CELF2: variants seen among roughly 807,000 people sequenced by gnomAD.
The protein encoded by CELF2 is CUG triplet repeat RNA-binding protein 2.
Under a neutral mutation model 62.6 loss-of-function variants are expected in CELF2, and 8 were observed. The observed-to-expected ratio is 0.13, with a 90% CI of 0.07 to 0.23. The LOEUF (loss-of-function observed/expected upper bound fraction) is 0.23. Ranked by LOEUF, CELF2 falls within the 10% of genes least tolerant of loss-of-function variation. The probability of loss-of-function intolerance (pLI) is 1.00; values close to 1 mark genes in which losing one functional copy is unlikely to be tolerated. For synonymous variants in CELF2, 258 were observed against 250.0 expected (o/e 1.03, Z -0.30); for missense variants, 333 against 671.0 (o/e 0.50, Z 5.56).
chr10:11,089,483 C>T (rs1449016855), intron 1 of CELF2, among the ~76,000 whole-genome samples: 4 of 152,024 alleles, frequency 2.6e-5, no homozygotes, highest in Non-Finnish European at 5.9e-5. Flanking sequence ...TTTAGAAGAG[C>T]AGGATGAGGA....
chr10:10,665,216 A>C, the CELF2 span, among the ~76,000 whole-genome samples: 1 of 152,308 alleles, frequency 6.6e-6, no homozygotes, highest in Middle Eastern at 3.4e-3. Flanking sequence ...CTAGGGTCAA[A>C]GAGTATGCCC....
At chr10:11,092,958 G>C (rs2048732264) in intron 1 of CELF2, among the ~76,000 whole-genome samples, 1 of 152,208 alleles carries the variant, frequency 6.6e-6, no homozygotes, top group South Asian at 2.1e-4. Flanking sequence ...GCACTTGTCT[G>C]TTGGGAGATG....
At chr10:10,720,183 A>C in the CELF2 span, among the ~76,000 whole-genome samples, 1 of 152,204 alleles carries the variant, frequency 6.6e-6, no homozygotes, top group Non-Finnish European at 1.5e-5. Context: ...CAGGCAACTC[A>C]TCTATAAATA....
the CELF2 span, among the ~76,000 whole-genome samples, chr10:10,728,114 T>C: frequency 6.6e-6 from 1 of 151,078 alleles, no homozygotes; most frequent in Non-Finnish European, 1.5e-5. Flanking sequence ...AAAATGAGAA[T>C]GATTTTTTTT....
the CELF2 span, among the ~76,000 whole-genome samples, chr10:10,769,078 G>A: frequency 6.6e-6 from 1 of 152,030 alleles, no homozygotes; most frequent in Non-Finnish European, 1.5e-5. Flanking sequence ...ATCCTTTTGA[G>A]ATTGTCTCCC....
rs1370477405 is a variant in CELF2, at chr10:11,023,352, A to C, written c.74+5189A>C. ...AGAAAATGTATTTTTATTTTTCCTT[A>C]AGAAACAGCTCTTGCTAAACTTAAG... On this transcript the variant is annotated intron_variant, in intron 1 of 12. Coordinates refer to ENST00000633077, the MANE Select transcript of CELF2 (RefSeq NM_001326342.2). 1.3e-5 allele frequency among the ~76,000 whole-genome samples: 2 copies of C among 152,250 alleles called. No homozygotes were observed. The highest frequency in any genetic ancestry group is 2.9e-5 in the Non-Finnish European group (2 of 68,042).
rs372815776 is a variant in CELF2 at position 11,318,921 on chromosome 10, C to T, written c.1097-2268C>T. On this transcript the variant is annotated intron_variant, in intron 10 of 12. Transcript: ENST00000633077. The surrounding 1 kb of genome is among the most constrained non-coding windows in gnomAD (Gnocchi z 5.4). ...ATGACAGGGCCTGAAAACTCCCACC[C>T]GCAGCAGACAAGGCATCATGGTGGT... The T allele has an allele frequency of 6.4e-5, 30 of 471,158 alleles. No individual in the cohort carries two copies. Among genetic ancestry groups the T allele is most frequent in the African/African-American group, 2.8e-4 (14 of 50,188 alleles). The allele number at this position is 471,158 out of a possible 1,614,324, so 29.2% of individuals were successfully genotyped here.
rs893889111 is a variant in CELF2 at position 10,928,823 on chromosome 10, C to A, written c.89+8824C>A. Among the ~76,000 whole-genome samples, 1 of 152,172 alleles carries A rather than the reference C, an allele frequency of 6.6e-6. No homozygotes were observed. Among genetic ancestry groups the A allele is most frequent in the African/African-American group, 2.4e-5 (1 of 41,424 alleles). On this transcript the variant is annotated intron_variant, in intron 2 of 13. Transcript: ENST00000636488. The surrounding 1 kb of genome is among the most constrained non-coding windows in gnomAD (Gnocchi z 4.8). ...CACCTTCTCCGCTAAGTAGGAAACA[C>A]ACTAAAATCCTATTACTATTTGTTG...
At chr10:11,009,021 G>A (rs1405040401) in intron 1 of CELF2, among the ~76,000 whole-genome samples, 1 of 58,280 alleles carries the variant, frequency 1.7e-5, no homozygotes, top group African/African-American at 5.0e-5. Context: ...GGGGGGGGGA[G>A]CATTCCTGAT....
intron 2 of CELF2, among the ~76,000 whole-genome samples, chr10:10,996,485 T>C (rs532776109): frequency 6.6e-6 from 1 of 152,346 alleles, no homozygotes; most frequent in African/African-American, 2.4e-5. Context: ...GCTGCCTTCG[T>C]GGGTTACTGC....
chr10:10,643,479 T>C, the CELF2 span, among the ~76,000 whole-genome samples: 2 of 152,204 alleles, frequency 1.3e-5, no homozygotes, highest in Admixed American at 6.5e-5. Context: ...CTCCCCAGCC[T>C]TGTGGAACTG....
the CELF2 span, among the ~76,000 whole-genome samples, chr10:10,469,745 A>G: frequency 6.6e-6 from 1 of 151,668 alleles, no homozygotes; most frequent in Non-Finnish European, 1.5e-5. Flanking sequence ...TAAGTGTTTG[A>G]TGGAATTTAC....
chr10:11,134,992 A>G (rs959871431), intron 1 of CELF2, among the ~76,000 whole-genome samples: 1 of 152,216 alleles, frequency 6.6e-6, no homozygotes, highest in Non-Finnish European at 1.5e-5. Context: ...AGATCTTCGC[A>G]TGGCCCTCAA....
rs887630452 is a variant in CELF2 at position 11,290,389 on chromosome 10, G to T, written c.976+1837G>T. ...GCCAGTGGGTGGGGGAGAGCGGAGTGGGGGCTCTGTGGTGGACCGCGTCCG... is the reference window on the plus strand; with the variant it reads ...GCCAGTGGGTGGGGGAGAGCGGAGTTGGGGCTCTGTGGTGGACCGCGTCCG... On this transcript the variant is annotated intron_variant, in intron 9 of 12. Transcript: ENST00000633077. The surrounding 1 kb of genome is among the most constrained non-coding windows in gnomAD (Gnocchi z 4.3). 6.6e-6 allele frequency among the ~76,000 whole-genome samples: 1 copy of T among 152,148 alleles called. No individual in the cohort carries two copies. Among genetic ancestry groups the T allele is most frequent in the Non-Finnish European group, 1.5e-5 (1 of 68,024 alleles).
At chr10:11,013,272 C>T (rs1483030035), upstream of CELF2, among the ~76,000 whole-genome samples, 1 of 151,892 alleles carries the variant, frequency 6.6e-6, no homozygotes, top group Non-Finnish European at 1.5e-5. This position sits in a 1 kb window ranked among gnomAD's most constrained non-coding sequence, Gnocchi z 4.1. Flanking sequence ...AAAGAGAAAG[C>T]TGAGAAAGAA....
At chr10:11,014,836 A>C (rs866551965), upstream of CELF2, among the ~76,000 whole-genome samples, 1 of 152,160 alleles carries the variant, frequency 6.6e-6, no homozygotes, top group African/African-American at 2.4e-5. Flanking sequence ...ATGAATAGCA[A>C]GTTGATTAAA....
the CELF2 span, among the ~76,000 whole-genome samples, chr10:10,695,608 A>T: frequency 2.0e-5 from 3 of 151,850 alleles, no homozygotes; most frequent in Non-Finnish European, 4.4e-5. Flanking sequence ...GTGTTTTCCA[A>T]CTTGGTTCCA....
intron 2 of CELF2, among the ~76,000 whole-genome samples, chr10:10,980,301 G>C (rs1225880544): frequency 1.3e-5 from 2 of 152,140 alleles, no homozygotes; most frequent in Non-Finnish European, 2.9e-5. Flanking sequence ...TATCTTTACA[G>C]ATGTTCCTGT....
At chr10:10,815,699 T>C (rs2131839820) in intron 1 of CELF2, among the ~76,000 whole-genome samples, 1 of 152,346 alleles carries the variant, frequency 6.6e-6, no homozygotes, top group South Asian at 2.1e-4. Flanking sequence ...TAATTTTTTT[T>C]TGGTAGCCAT....
Sources: gnomAD v4.1 joint callset for allele counts (sites outside exome capture counted in the v4.1 genomes callset) on GRCh38, gnomAD v4.1.1 for gene constraint, Gnocchi (gnomAD v3.1) non-coding constraint, MANE v1.5 for transcripts, NCBI Gene and HGNC (gene_info 2026-07-23, HGNC 2026-07-21) for gene names.